The following NAV1 variants were observed in gnomAD, a reference collection of about 807,000 sequenced individuals.
NAV1 encodes neuron navigator 1.
Under a neutral mutation model 175.2 loss-of-function variants are expected in NAV1, and 18 were observed. The observed-to-expected ratio is 0.10, with a 90% CI of 0.07 to 0.15. The LOEUF is 0.15. Ranked by LOEUF, NAV1 falls within the 10% of genes least tolerant of loss-of-function variation. The pLI is 1.00. For synonymous variants in NAV1, 897 were observed against 978.7 expected (o/e 0.92, Z 1.56); for missense variants, 1,731 against 2,436.6 (o/e 0.71, Z 6.10).
At chr1:201,571,996 T>C (rs914953079) in intron 1 of NAV1, among the ~76,000 whole-genome samples, 9 of 152,198 alleles carry the variant, frequency 5.9e-5, no homozygotes, top group Non-Finnish European at 1.5e-5. Flanking sequence ...AACACTTCAC[T>C]CACTCAGTCA....
intron 1 of NAV1, among the ~76,000 whole-genome samples, chr1:201,654,172 T>C (rs931091309): frequency 3.9e-5 from 6 of 152,184 alleles, no homozygotes; most frequent in African/African-American, 1.4e-4. Flanking sequence ...CCAGAGCTAC[T>C]CTGGCTCCCT....
At position 201,808,086 on chromosome 1, in the gene NAV1, C is replaced by T. The variant is rs1487237755; in HGVS notation, c.3782C>T (p.Thr1261Ile). ...TCCCCCAAACTACAGCATGGTTCTA[C>T]AGAGACTGCTTCACCCTCCATCAAG... The change falls in exon 18 of 30, where the codon ACA (threonine) becomes ATA (isoleucine). Residue 1261 changes from threonine to isoleucine, a missense_variant. By Grantham distance (89) the Thr-to-Ile change is moderately conservative (BLOSUM62 -1). Around this residue, in one of 13 missense-constraint regions of NAV1, gnomAD observed 146 missense variants for 176.8 expected, o/e 0.83. Transcript: ENST00000367296. The surrounding 1 kb of genome is among the most constrained non-coding windows in gnomAD (Gnocchi z 5.5). The T allele has an allele frequency of 6.2e-7, 1 of 1,614,084 alleles. No individual in the cohort carries two copies. The highest frequency in any genetic ancestry group is 8.5e-7 in the Non-Finnish European group (1 of 1,180,042).
At chr1:201,784,935 A>AT (rs1261101792) in intron 7 of NAV1, among the ~76,000 whole-genome samples, 1 of 151,896 alleles carries the variant, frequency 6.6e-6, no homozygotes, top group African/African-American at 2.4e-5. Flanking sequence ...CGTCTGGCTA[A>AT]TTTTTTGTAT....
intron 2 of NAV1, among the ~76,000 whole-genome samples, chr1:201,598,379 C>T (rs1446633331): frequency 6.6e-6 from 1 of 152,152 alleles, no homozygotes; most frequent in Non-Finnish European, 1.5e-5. Context: ...TAGAGGACCC[C>T]CAAGAAACTT....
chr1:201,794,442 A>G (rs748284913), intron 14 of NAV1, 24 bp from the exon 19 acceptor site: 50 of 1,605,772 alleles, frequency 3.1e-5, no homozygotes, highest in Non-Finnish European at 4.1e-5. Context: ...TGCCCAGCCA[A>G]CGCTATTTTC....
chr1:201,719,078 C>G (rs530623643), intron 3 of NAV1, among the ~76,000 whole-genome samples: 6 of 151,798 alleles, frequency 4.0e-5, no homozygotes, highest in South Asian at 2.1e-4. Flanking sequence ...GCTCAAAGAG[C>G]CTTGGAAAAG....
Position 201,808,438 on chromosome 1 carries a change from C to A in NAV1, c.3866C>A (p.Pro1289His). The A allele has an allele frequency of 6.2e-7, 1 of 1,613,382 alleles. No individual in the cohort carries two copies. The highest frequency in any genetic ancestry group is 8.5e-7 in the Non-Finnish European group (1 of 1,179,518). Residue 1289 changes from proline to histidine, a missense_variant, in exon 19 of 30, where the codon CCC (proline) becomes CAC (histidine). This residue lies in a region of NAV1 where 146 missense variants were observed against 176.8 expected (regional missense o/e 0.83). Transcript: ENST00000367296. The surrounding 1 kb of genome is among the most constrained non-coding windows in gnomAD (Gnocchi z 5.5). ...TACAGGGGCCCTGCTCACCCAGCCC[C>A]CCACACTAGGCTGTTCCATGCAAAT...
At chr1:201,544,696 A>AT (rs543997365) in intron 1 of NAV1, among the ~76,000 whole-genome samples, 1 of 152,230 alleles carries the variant, frequency 6.6e-6, no homozygotes, top group Non-Finnish European at 1.5e-5. Context: ...ACCAAAATGC[A>AT]TCCCTGAATA....
At position 201,788,714 on chromosome 1, in the gene NAV1, C is replaced by T. The variant is rs1676928553; in HGVS notation, c.3166+76C>T. 4 of 1,404,226 alleles carry T rather than the reference C, an allele frequency of 2.8e-6. No homozygotes were observed. The highest frequency in any genetic ancestry group is 3.9e-6 in the Non-Finnish European group (4 of 1,025,138). 87.0% of individuals were successfully genotyped at this position (1,404,226 alleles called of 1,614,324 possible). On this transcript the variant is annotated intron_variant, in intron 10 of 29. Coordinates refer to ENST00000367296, the Ensembl canonical transcript of NAV1. The surrounding 1 kb of genome is among the most constrained non-coding windows in gnomAD (Gnocchi z 5.7). The stretch of plus-strand genomic sequence containing the variant: ...CCCTCACCCACCACCTCCACTCCCA[C>T]CACTCCTACCACCACACACATATAT...
Position 201,740,030 on chromosome 1 carries a change from C to T in NAV1, c.1226+21275C>T, listed in dbSNP as rs1422010903. ...GCCGCCTGAGCCGGGGAAGATGCTT[C>T]ATCTGCCCCTGCCCAGATCCGGAAG... On this transcript the variant is annotated intron_variant, in intron 3 of 29. Coordinates refer to ENST00000367296, the Ensembl canonical transcript of NAV1. This position sits in a 1 kb window ranked among gnomAD's most constrained non-coding sequence, Gnocchi z 4.7. 6.7e-7 allele frequency: 1 copy of T among 1,491,944 alleles called. No homozygotes were observed. Among genetic ancestry groups the T allele is most frequent in the Admixed American group, 2.3e-5 (1 of 42,752 alleles). 92.4% of individuals were successfully genotyped at this position (1,491,944 alleles called of 1,614,324 possible).
chr1:201,756,826 TTC>T (rs776543971), intron 3 of NAV1, among the ~76,000 whole-genome samples: 14,589 of 78,540 alleles, frequency 0.19, 1,324 homozygotes, highest in South Asian at 0.32. Context: ...CTTTCTTTCT[TTC>T]TTTCTTTCTT....
At chr1:201,617,925 C>T (rs370313051) in intron 2 of NAV1, among the ~76,000 whole-genome samples, 5 of 152,282 alleles carry the variant, frequency 3.3e-5, no homozygotes, top group East Asian at 1.9e-4. Context: ...CCCCTCATTT[C>T]AGAGGAAGGG....
chr1:201,608,608 G>A (rs1667759289), intron 2 of NAV1, among the ~76,000 whole-genome samples: 1 of 152,232 alleles, frequency 6.6e-6, no homozygotes, highest in Non-Finnish European at 1.5e-5. Flanking sequence ...TTTGCTGACA[G>A]AAGTCTCCCA....
At chr1:201,648,562 C>G in exon 1 of NAV1, 1 of 1,256,826 alleles carries the variant, frequency 8.0e-7, no homozygotes, top group Non-Finnish European at 9.9e-7. Flanking sequence ...TCCGTCCTCT[C>G]TCTCCCCCTC....
rs1671775700 is a variant in NAV1, at chr1:201,708,768, T to G, written c.758-4049T>G. ...TCTTTGCCATGTCTGGGCTCTGTTT[T>G]GTCCCCAGGCCTGTCCCACACCCAG... On this transcript the variant is annotated intron_variant, in intron 1 of 29. Transcript: ENST00000367296. 3.3e-5 allele frequency among the ~76,000 whole-genome samples: 5 copies of G among 152,302 alleles called. 1 individual carries two copies. In the South Asian group the frequency reaches 1.0e-3, roughly 32 times the overall value.
At chr1:201,636,815 G>A (rs1448604233) in intron 2 of NAV1, among the ~76,000 whole-genome samples, 1 of 152,166 alleles carries the variant, frequency 6.6e-6, no homozygotes, top group Non-Finnish European at 1.5e-5. Context: ...ATAAACACTG[G>A]CACAGTCCAG....
intron 3 of NAV1, among the ~76,000 whole-genome samples, chr1:201,720,462 C>T (rs1159888110): frequency 2.6e-5 from 4 of 152,192 alleles, no homozygotes; most frequent in Admixed American, 2.0e-4. Context: ...CTGATGGAAA[C>T]GAGATCCCTC....
chr1:201,756,809 C>T (rs6694098), intron 3 of NAV1, among the ~76,000 whole-genome samples: 1,333 of 26,628 alleles, frequency 0.05, 40 homozygotes, highest in Admixed American at 0.071. Flanking sequence ...TCTTTCTTTC[C>T]TTCTTTCTTT....
chr1:201,633,323 T>C (rs926604701), intron 2 of NAV1, among the ~76,000 whole-genome samples: 3 of 152,222 alleles, frequency 2.0e-5, no homozygotes, highest in Non-Finnish European at 4.4e-5. Flanking sequence ...CATGAATACC[T>C]TATATAATCC....
Sources: gnomAD v4.1 joint callset for allele counts (sites outside exome capture counted in the v4.1 genomes callset) on GRCh38, gnomAD v4.1.1 for gene constraint, gnomAD v4.1.1 regional missense constraint, Gnocchi (gnomAD v3.1) non-coding constraint, MANE v1.5 for transcripts, NCBI Gene and HGNC (gene_info 2026-07-23, HGNC 2026-07-21) for gene names.